Variants in CSTPP1 observed in about 807,000 individuals in gnomAD.
The protein encoded by CSTPP1 is centriolar satellite-associated tubulin polyglutamylase complex regulator 1.
chr11:47,052,196 G>A, the CSTPP1 span: 67 of 556,864 alleles, frequency 1.2e-4, no homozygotes, highest in Non-Finnish European at 1.8e-4. Flanking sequence ...GCCTCCAAGA[G>A]TTTTCGGAAA....
chr11:47,096,965 G>C, the CSTPP1 span, among the ~76,000 whole-genome samples: 5 of 152,212 alleles, frequency 3.3e-5, no homozygotes, highest in Non-Finnish European at 5.9e-5. Context: ...AGTACTTAAC[G>C]ATAGCCCTTT....
the CSTPP1 span, chr11:47,161,792 G>GATC: frequency 7.1e-7 from 1 of 1,415,714 alleles, no homozygotes; most frequent in East Asian, 2.6e-5. Context: ...GGGCTCTGAT[G>GATC]ATCAGCCCAG....
chr11:47,137,516 C>T, the CSTPP1 span: 2 of 1,537,338 alleles, frequency 1.3e-6, no homozygotes, highest in African/African-American at 1.4e-5. Flanking sequence ...CTAGCATACC[C>T]TTCACACTGA....
chr11:47,097,586 G>T, the CSTPP1 span, among the ~76,000 whole-genome samples: 23 of 84,672 alleles, frequency 2.7e-4, no homozygotes, highest in South Asian at 9.9e-4. Flanking sequence ...GGAGGTGGGG[G>T]GGTCAGCCCT....
At chr11:47,147,401 AG>A in the CSTPP1 span, among the ~76,000 whole-genome samples, 3 of 152,164 alleles carry the variant, frequency 2.0e-5, no homozygotes, top group Non-Finnish European at 2.9e-5. Context: ...TTGAGGGCAG[AG>A]GGAGGGAAAG....
the CSTPP1 span, among the ~76,000 whole-genome samples, chr11:47,136,836 G>A: frequency 6.6e-6 from 1 of 152,130 alleles, no homozygotes; most frequent in South Asian, 2.1e-4. Context: ...CTCCTTGGCT[G>A]ATCTAAAATC....
the CSTPP1 span, among the ~76,000 whole-genome samples, chr11:47,156,179 T>C: frequency 1.3e-5 from 2 of 152,212 alleles, no homozygotes; most frequent in South Asian, 4.1e-4. Flanking sequence ...GGCTGGAGCC[T>C]GGGGTCTCGC....
At chr11:47,038,659 G>A in the CSTPP1 span, among the ~76,000 whole-genome samples, 2 of 122,338 alleles carry the variant, frequency 1.6e-5, no homozygotes, top group South Asian at 2.6e-4. Context: ...TCCCGGACGG[G>A]GTGGCTGGCC....
At chr11:46,967,903 G>A in the CSTPP1 span, among the ~76,000 whole-genome samples, 11 of 151,888 alleles carry the variant, frequency 7.2e-5, no homozygotes, top group Middle Eastern at 3.2e-3. Context: ...AATGATTCAT[G>A]AACAGGGCAG....
At chr11:47,152,107 G>A in the CSTPP1 span, among the ~76,000 whole-genome samples, 6 of 151,906 alleles carry the variant, frequency 3.9e-5, no homozygotes, top group East Asian at 3.9e-4. Context: ...AAAATTAGCC[G>A]GGCATGGTGA....
the CSTPP1 span, among the ~76,000 whole-genome samples, chr11:47,138,645 T>C: frequency 6.6e-5 from 10 of 152,166 alleles, no homozygotes; most frequent in African/African-American, 2.4e-4. Flanking sequence ...CATGAGGTAA[T>C]TGGACTATGC....
At chr11:47,149,648 A>G in the CSTPP1 span, among the ~76,000 whole-genome samples, 1 of 152,224 alleles carries the variant, frequency 6.6e-6, no homozygotes, top group Admixed American at 6.5e-5. Flanking sequence ...GGTTAAAGAC[A>G]CAGATGCCTA....
At chr11:47,034,725 C>T in the CSTPP1 span, among the ~76,000 whole-genome samples, 2 of 152,142 alleles carry the variant, frequency 1.3e-5, no homozygotes, top group East Asian at 1.9e-4. Flanking sequence ...TTTCAAACTC[C>T]TGGGCTCAAG....
the CSTPP1 span, among the ~76,000 whole-genome samples, chr11:47,158,344 A>G: frequency 1.5e-5 from 1 of 65,952 alleles, no homozygotes; most frequent in Non-Finnish European, 3.2e-5. Flanking sequence ...TTCCAAGCTG[A>G]AAAAAAAAAT....
the CSTPP1 span, among the ~76,000 whole-genome samples, chr11:47,082,607 T>G: frequency 5.3e-5 from 8 of 152,162 alleles, no homozygotes; most frequent in Admixed American, 1.3e-4. Flanking sequence ...AATTCAGTCG[T>G]TTTTAGAATA....
At chr11:47,075,438 A>G in the CSTPP1 span, among the ~76,000 whole-genome samples, 1 of 152,204 alleles carries the variant, frequency 6.6e-6, no homozygotes, top group East Asian at 1.9e-4. Context: ...AGGCACAAGA[A>G]CAAAACAAAG....
chr11:46,969,293 G>A, the CSTPP1 span, among the ~76,000 whole-genome samples: 1 of 152,046 alleles, frequency 6.6e-6, no homozygotes, highest in Non-Finnish European at 1.5e-5. Context: ...TGTGTATTGA[G>A]TTTTTTTGTT....
chr11:46,952,921 G>A, the CSTPP1 span, among the ~76,000 whole-genome samples: 15 of 152,162 alleles, frequency 9.9e-5, no homozygotes, highest in Non-Finnish European at 1.6e-4. Flanking sequence ...GAGACCCATT[G>A]TAGAAACCAA....
chr11:47,067,231 A>G, the CSTPP1 span, among the ~76,000 whole-genome samples: 24 of 152,354 alleles, frequency 1.6e-4, no homozygotes, highest in Admixed American at 1.4e-3. Context: ...AGTTGCTCAC[A>G]TTCCTAATTA....
Sources: allele counts gnomAD v4.1 joint callset (sites outside exome capture counted in the v4.1 genomes callset), GRCh38; gene constraint gnomAD v4.1.1; transcripts MANE v1.5; gene names NCBI Gene and HGNC (gene_info 2026-07-23, HGNC 2026-07-21).